SHCBP1L: variants seen among roughly 807,000 people sequenced by gnomAD.
SHCBP1L encodes SHC binding and spindle associated 1 like, also known as testicular spindle-associated protein SHCBP1L.
SHCBP1L carries 67 observed loss-of-function variants against 62.5 expected under a neutral mutation model. The observed-to-expected ratio is 1.07, with a 90% confidence interval of 0.88 to 1.31. The LOEUF is 1.31. SHCBP1L is among the 40% of genes most tolerant of loss of function. The pLI, the probability that SHCBP1L is intolerant of heterozygous loss-of-function variation, is 0.00. For missense variants in SHCBP1L, 823 were observed against 809.8 expected, an observed-to-expected ratio of 1.02 and a Z score of -0.20; for synonymous variants, 284 against 289.4, an observed-to-expected ratio of 0.98 and a Z score of 0.19.
chr1:182,906,706 A>T (rs762106751), intron 6 of SHCBP1L, among the ~76,000 whole-genome samples: 1 of 152,180 alleles, frequency 6.6e-6, no homozygotes. Context: ...TGCATGAGCC[A>T]CCGTGCCCGG....
intron 6 of SHCBP1L, among the ~76,000 whole-genome samples, chr1:182,911,162 TTACAGGTG>T (rs1650175098): frequency 6.6e-6 from 1 of 152,300 alleles, no homozygotes; most frequent in Non-Finnish European, 1.5e-5. Context: ...AGTGCTGGGA[TTACAGGTG>T]TAAGCCACTG....
chr1:182,931,411 G>T (rs951522148), intron 5 of SHCBP1L, among the ~76,000 whole-genome samples: 4 of 151,992 alleles, frequency 2.6e-5, no homozygotes, highest in Admixed American at 2.0e-4. Context: ...TACATACAAG[G>T]TATTCATTTT....
chr1:182,924,420 C>G (rs1197785142), intron 6 of SHCBP1L, among the ~76,000 whole-genome samples: 1 of 151,498 alleles, frequency 6.6e-6, no homozygotes, highest in Non-Finnish European at 1.5e-5. Flanking sequence ...GCCTCAGCCT[C>G]CCGAGTAGCT....
At chr1:182,948,739 CA>C (rs1364394167) in intron 2 of SHCBP1L, among the ~76,000 whole-genome samples, 2 of 152,126 alleles carry the variant, frequency 1.3e-5, no homozygotes, top group Non-Finnish European at 1.5e-5. Flanking sequence ...AAAAAGCGAT[CA>C]GGGGCCCATA....
chr1:182,929,874 C>T, intron 5 of SHCBP1L, 122 bp from the exon 6 acceptor site: 1 of 643,310 alleles, frequency 1.6e-6, no homozygotes, highest in Non-Finnish European at 2.6e-6. Context: ...ATTATAAGTT[C>T]CTTGAGAGCA....
At chr1:182,941,982 T>C in intron 2 of SHCBP1L, 2 of 1,065,776 alleles carry the variant, frequency 1.9e-6, no homozygotes, top group Admixed American at 2.0e-5. Flanking sequence ...GATTCCCTCC[T>C]TCTTAAAAAT....
intron 2 of SHCBP1L, among the ~76,000 whole-genome samples, chr1:182,949,155 G>A (rs1400785291): frequency 1.3e-5 from 2 of 152,022 alleles, no homozygotes; most frequent in East Asian, 1.9e-4. Context: ...ATGGAGTATA[G>A]GGGCTATCAT....
intron 6 of SHCBP1L, among the ~76,000 whole-genome samples, chr1:182,910,951 A>G (rs1341620575): frequency 6.6e-6 from 1 of 151,678 alleles, no homozygotes; most frequent in East Asian, 1.9e-4. Context: ...GTGCAGTGGG[A>G]CAATCTTGGC....
chr1:182,952,358 AG>A (rs1423153489), intron 1 of SHCBP1L: 5 of 182,460 alleles, frequency 2.7e-5, no homozygotes, highest in Non-Finnish European at 4.5e-5. Flanking sequence ...CTAGTGTAAA[AG>A]TCAAGGCTAA....
chr1:182,935,108 T>C (rs968664730), intron 5 of SHCBP1L, among the ~76,000 whole-genome samples: 3 of 152,156 alleles, frequency 2.0e-5, no homozygotes, highest in Non-Finnish European at 4.4e-5. Flanking sequence ...TACAGCTTCA[T>C]AGTAAGTCTT....
At chr1:182,917,870 G>A (rs186164683) in intron 6 of SHCBP1L, among the ~76,000 whole-genome samples, 53 of 152,052 alleles carry the variant, frequency 3.5e-4, no homozygotes, top group African/African-American at 1.3e-3. Context: ...TTGGAGGGAC[G>A]CAATTCTGCC....
At chr1:182,952,262 TTATA>T (rs1381868975) in intron 1 of SHCBP1L, among the ~76,000 whole-genome samples, 1 of 88,928 alleles carries the variant, frequency 1.1e-5, no homozygotes, top group Non-Finnish European at 2.3e-5. Flanking sequence ...ACACACACAT[TTATA>T]TATATATATA....
intron 6 of SHCBP1L, among the ~76,000 whole-genome samples, chr1:182,910,401 A>G (rs1163249322): frequency 1.3e-5 from 2 of 152,204 alleles, no homozygotes; most frequent in African/African-American, 4.8e-5. Context: ...GGTGCAATAT[A>G]GGCTTTGTTC....
rs1048819340 is a variant in SHCBP1L, at chr1:182,899,915, G to T, written c.*68C>A. 4.6e-6 allele frequency: 6 copies of T among 1,291,808 alleles called. No individual in the cohort carries two copies. The African/African-American group carries it at 9.0e-5, about 19-fold the overall frequency. The allele number at this position is 1,291,808 out of a possible 1,614,324, so 80.0% of individuals were successfully genotyped here. ...GCTTTGAATTGAAACTACCATTTCA[G>T]TGGGGTATGAGAATCATGTATTAAA... On this transcript the variant is annotated 3_prime_UTR_variant, in exon 10 of 10. Transcript: ENST00000367547.
Position 182,939,167 on chromosome 1 carries a change from A to G in SHCBP1L, c.1076+9T>C. The G allele has an allele frequency of 6.3e-7, 1 of 1,599,542 alleles. No individual in the cohort carries two copies. The highest frequency in any genetic ancestry group is 8.5e-7 in the Non-Finnish European group (1 of 1,173,116). On this transcript the variant is annotated intron_variant, in intron 5 of 9. Transcript: ENST00000367547. ...TTTTGCTTCTATTTGAAATAGAGCA[A>G]ATTATTACCGGAGGCGTAAATCTTC...
At chr1:182,951,250 T>C in intron 2 of SHCBP1L, 68 bp downstream of exon 2, 1 of 1,242,178 alleles carries the variant, frequency 8.1e-7, no homozygotes, top group East Asian at 2.5e-5. Context: ...CTCCAAATAA[T>C]AAAGTCATAT....
intron 2 of SHCBP1L, among the ~76,000 whole-genome samples, chr1:182,945,832 G>A (rs1480276745): frequency 5.3e-5 from 8 of 152,112 alleles, no homozygotes; most frequent in Non-Finnish European, 1.2e-4. Flanking sequence ...GGCCGAGGTG[G>A]GAGGATGTCT....
Position 182,940,351 on chromosome 1 carries a change from C to T in SHCBP1L, c.748G>A (p.Ala250Thr), listed in dbSNP as rs1651315824. The T allele has an allele frequency of 1.2e-6, 2 of 1,613,668 alleles. No homozygotes were observed. Among genetic ancestry groups the T allele is most frequent in the Non-Finnish European group, 1.7e-6 (2 of 1,179,788 alleles). Reference sequence around the variant, plus strand: ...TACCTGACAACTTCCAAGGCCAAAGCAATAACATGTATATCAGTATCTTGT... The same window carrying T: ...TACCTGACAACTTCCAAGGCCAAAGTAATAACATGTATATCAGTATCTTGT... ...EGQDTDIHVI[A>T]LALEVVRFFY... Residue 250 changes from alanine to threonine, a missense_variant, in exon 3 of 10, where the codon GCT (alanine) becomes ACT (threonine). Ala to Thr is a moderately conservative substitution (Grantham distance 58, BLOSUM62 0). Coordinates refer to ENST00000367547, the MANE Select transcript of SHCBP1L (RefSeq NM_030933.4).
chr1:182,949,569 C>T (rs1012652632), intron 2 of SHCBP1L, among the ~76,000 whole-genome samples: 10 of 151,700 alleles, frequency 6.6e-5, no homozygotes, highest in African/African-American at 2.2e-4. Flanking sequence ...TGGTGGTACA[C>T]GCCTGCAGTC....
Sources: gnomAD v4.1 joint callset for allele counts (sites outside exome capture counted in the v4.1 genomes callset) on GRCh38, gnomAD v4.1.1 for gene constraint, MANE v1.5 for transcripts, NCBI Gene and HGNC (gene_info 2026-07-23, HGNC 2026-07-21) for gene names.